The following FCHSD2 variants were observed in gnomAD, a reference collection of about 807,000 sequenced individuals.
The protein encoded by FCHSD2 is F-BAR and double SH3 domains protein 2.
Under a neutral mutation model 108.1 loss-of-function variants are expected in FCHSD2, and 38 were observed. The observed-to-expected ratio is 0.35, with a 90% CI of 0.27 to 0.46. FCHSD2 has a LOEUF of 0.46. Among genes scored for constraint, FCHSD2 ranks in the 20% least tolerant of loss-of-function variants. The probability of loss-of-function intolerance (pLI) is 1.00; values close to 1 mark genes in which losing one functional copy is unlikely to be tolerated. For missense variants in FCHSD2, 751 were observed against 897.8 expected, an observed-to-expected ratio of 0.84 and a Z score of 2.09; for synonymous variants, 279 against 314.7, an observed-to-expected ratio of 0.89 and a Z score of 1.20.
At chr11:73,009,624 G>T (rs949076606) in intron 4 of FCHSD2, among the ~76,000 whole-genome samples, 7 of 152,050 alleles carry the variant, frequency 4.6e-5, no homozygotes, top group African/African-American at 1.7e-4. Flanking sequence ...GTCTGGGAAA[G>T]AATTTACTTC....
At chr11:72,895,896 A>G (rs1855407420) in intron 10 of FCHSD2, among the ~76,000 whole-genome samples, 1 of 152,192 alleles carries the variant, frequency 6.6e-6, no homozygotes, top group Admixed American at 6.5e-5. Flanking sequence ...CATTTATGAG[A>G]CAACGCTATA....
chr11:73,075,237 C>T (rs531008117), intron 3 of FCHSD2, among the ~76,000 whole-genome samples: 1 of 152,138 alleles, frequency 6.6e-6, no homozygotes, highest in Non-Finnish European at 1.5e-5. Context: ...CCTGAGAAAA[C>T]CATTTCATGA....
At chr11:72,999,383 G>A (rs560089565) in intron 5 of FCHSD2, among the ~76,000 whole-genome samples, 1 of 144,056 alleles carries the variant, frequency 6.9e-6, no homozygotes, top group Non-Finnish European at 1.5e-5. Context: ...GCAGTGGCAC[G>A]ATCTCAGCTC....
intron 2 of FCHSD2, among the ~76,000 whole-genome samples, chr11:73,100,323 C>T (rs1184550379): frequency 6.8e-6 from 1 of 146,484 alleles, no homozygotes; most frequent in Non-Finnish European, 1.5e-5. Flanking sequence ...GACCTAAGCG[C>T]TTTACATGCT....
intron 8 of FCHSD2, among the ~76,000 whole-genome samples, chr11:72,937,639 G>T (rs1468708511): frequency 6.6e-6 from 1 of 152,090 alleles, no homozygotes; most frequent in Non-Finnish European, 1.5e-5. Flanking sequence ...CACCGCGCCT[G>T]GCCAAAATAT....
intron 8 of FCHSD2, among the ~76,000 whole-genome samples, chr11:72,976,718 GA>G (rs1857110300): frequency 6.6e-6 from 1 of 152,096 alleles, no homozygotes; most frequent in Admixed American, 6.5e-5. Flanking sequence ...CAGACCAATG[GA>G]ACAGAAGACA....
At chr11:73,044,090 A>G (rs1473977957) in intron 3 of FCHSD2, among the ~76,000 whole-genome samples, 1 of 152,172 alleles carries the variant, frequency 6.6e-6, no homozygotes, top group Admixed American at 6.5e-5. Context: ...GAGATCCTAT[A>G]TTTACAACGG....
chr11:72,984,267 A>G, intron 7 of FCHSD2, 51 bp from the exon 8 acceptor site: 1 of 1,573,660 alleles, frequency 6.4e-7, no homozygotes, highest in East Asian at 2.2e-5. Context: ...TTGTACTGCA[A>G]AACACATAGG....
chr11:73,009,528 A>C (rs1385614099), intron 4 of FCHSD2, among the ~76,000 whole-genome samples: 1 of 152,068 alleles, frequency 6.6e-6, no homozygotes, highest in Non-Finnish European at 1.5e-5. Flanking sequence ...AAAATTAAAT[A>C]TATTTATACA....
intron 3 of FCHSD2, among the ~76,000 whole-genome samples, chr11:73,016,719 C>T (rs1202117458): frequency 7.2e-5 from 11 of 152,162 alleles, no homozygotes; most frequent in Admixed American, 7.2e-4. Context: ...ATTCTCAAGA[C>T]AGATTTTAAG....
At chr11:73,029,727 C>T (rs1195485105) in intron 3 of FCHSD2, among the ~76,000 whole-genome samples, 1 of 152,084 alleles carries the variant, frequency 6.6e-6, no homozygotes, top group Non-Finnish European at 1.5e-5. Flanking sequence ...TTTTCCCTGT[C>T]TTCATTTTCC....
intron 2 of FCHSD2, among the ~76,000 whole-genome samples, chr11:73,095,962 A>C (rs1447058853): frequency 6.6e-6 from 1 of 152,136 alleles, no homozygotes; most frequent in Non-Finnish European, 1.5e-5. Context: ...AATTGCTGTA[A>C]ATTTGAAAGA....
At chr11:72,852,152 T>C (rs935947690) in intron 13 of FCHSD2, among the ~76,000 whole-genome samples, 7 of 151,994 alleles carry the variant, frequency 4.6e-5, no homozygotes, top group African/African-American at 1.5e-4. Context: ...GCCTCCCAAA[T>C]TGCTAAGATT....
chr11:72,960,740 G>A (rs535130383), intron 8 of FCHSD2, among the ~76,000 whole-genome samples: 2 of 152,168 alleles, frequency 1.3e-5, no homozygotes, highest in African/African-American at 4.8e-5. Flanking sequence ...AGTTGATGTG[G>A]AGAAAGGGTA....
intron 3 of FCHSD2, among the ~76,000 whole-genome samples, chr11:73,038,568 C>T (rs919091109): frequency 6.6e-6 from 1 of 151,996 alleles, no homozygotes; most frequent in African/African-American, 2.4e-5. Context: ...TAGCTGGCAA[C>T]GATTATCCTA....
chr11:73,084,072 A>G (rs1173225136), intron 2 of FCHSD2, among the ~76,000 whole-genome samples: 6 of 152,230 alleles, frequency 3.9e-5, no homozygotes, highest in Non-Finnish European at 8.8e-5. Context: ...TGAAATACAT[A>G]AAGCACTCAA....
chr11:72,936,339 A>C (rs1019866792), intron 8 of FCHSD2, among the ~76,000 whole-genome samples: 4 of 152,194 alleles, frequency 2.6e-5, no homozygotes, highest in Non-Finnish European at 5.9e-5. Flanking sequence ...CTGTTACCTT[A>C]TCTATAAAAT....
chr11:72,856,273 G>A (rs909106212), intron 13 of FCHSD2, among the ~76,000 whole-genome samples: 3 of 152,208 alleles, frequency 2.0e-5, no homozygotes, highest in Non-Finnish European at 2.9e-5. Context: ...GAATGCGGAA[G>A]AGGCCACTGG....
chr11:73,119,614 T>A (rs554565894), intron 2 of FCHSD2, among the ~76,000 whole-genome samples: 103 of 152,086 alleles, frequency 6.8e-4, no homozygotes, highest in African/African-American at 2.5e-3. Flanking sequence ...ACCTGGCTAA[T>A]TTTTTTTATT....
Sources: allele counts gnomAD v4.1 joint callset (sites outside exome capture counted in the v4.1 genomes callset), GRCh38; gene constraint gnomAD v4.1.1; transcripts MANE v1.5; gene names NCBI Gene and HGNC (gene_info 2026-07-23, HGNC 2026-07-21).